SNX8: variants seen among roughly 807,000 people sequenced by gnomAD.
SNX8 encodes the protein sorting nexin-8.
SNX8 carries 25 observed loss-of-function variants against 51.6 expected under a neutral mutation model. The ratio of observed to expected loss-of-function variants is 0.48; its 90% CI spans 0.35 to 0.68. SNX8 has a LOEUF of 0.68. SNX8 is among the 30% of genes least tolerant of loss of function. The pLI is 0.00. For missense variants in SNX8, 695 were observed against 624.0 expected (o/e 1.11, Z -1.21); for synonymous variants, 324 against 277.0 (o/e 1.17, Z -1.68).
intron 1 of SNX8, among the ~76,000 whole-genome samples, chr7:2,308,665 CAAAA>C (rs756364188): frequency 1.6e-5 from 1 of 63,118 alleles, no homozygotes; most frequent in Non-Finnish European, 3.0e-5. Flanking sequence ...GACTCTGTCT[CAAAA>C]AAAAAAAAAA....
At chr7:2,346,513 C>T (rs1407196223) in intron 1 of SNX8, among the ~76,000 whole-genome samples, 15 of 150,832 alleles carry the variant, frequency 9.9e-5, no homozygotes, top group Admixed American at 2.6e-4. Context: ...TTTGGGAGGC[C>T]GAGGTGGGAG....
At chr7:2,335,802 CAAAA>C (rs1173439746) in intron 1 of SNX8, among the ~76,000 whole-genome samples, 1 of 30,642 alleles carries the variant, frequency 3.3e-5, no homozygotes, top group Non-Finnish European at 7.5e-5. Context: ...GACTCTGTCT[CAAAA>C]AAAAAAAAAA....
At chr7:2,272,469 G>A (rs560722531) in intron 3 of SNX8, among the ~76,000 whole-genome samples, 1 of 151,818 alleles carries the variant, frequency 6.6e-6, no homozygotes, top group Admixed American at 6.6e-5. Context: ...CCGCCTTCCA[G>A]GTTCAAGCGA....
intron 1 of SNX8, among the ~76,000 whole-genome samples, chr7:2,293,948 A>T (rs1796214889): frequency 6.6e-6 from 1 of 150,622 alleles, no homozygotes; most frequent in Non-Finnish European, 1.5e-5. Flanking sequence ...CCTGGGCAAC[A>T]AGAGTGAAAC....
intron 2 of SNX8, 75 bp from the exon 3 acceptor site, chr7:2,275,304 C>CG (rs2115130335): frequency 3.0e-6 from 3 of 984,978 alleles, no homozygotes; most frequent in East Asian, 4.8e-5. Context: ...CAACAGAGCC[C>CG]GGGAAAACGA....
At chr7:2,289,508 T>G (rs1032220522) in intron 1 of SNX8, among the ~76,000 whole-genome samples, 6 of 152,220 alleles carry the variant, frequency 3.9e-5, no homozygotes, top group Non-Finnish European at 8.8e-5. Context: ...TGTGCCTCTT[T>G]TAACACAGTT....
At chr7:2,280,768 A>G (rs1247567686) in intron 1 of SNX8, among the ~76,000 whole-genome samples, 1 of 150,972 alleles carries the variant, frequency 6.6e-6, no homozygotes, top group Non-Finnish European at 1.5e-5. Context: ...GCTTTCAAAT[A>G]TCAATTTACT....
intron 1 of SNX8, among the ~76,000 whole-genome samples, chr7:2,321,450 G>A (rs1356445467): frequency 1.4e-4 from 20 of 145,900 alleles, no homozygotes; most frequent in Non-Finnish European, 2.5e-4. Context: ...TTTTTGAGAC[G>A]GAGTCTCCCT....
At chr7:2,336,535 C>G (rs942766090) in intron 1 of SNX8, among the ~76,000 whole-genome samples, 9 of 151,892 alleles carry the variant, frequency 5.9e-5, no homozygotes, top group Admixed American at 2.0e-4. Flanking sequence ...AGTGAAATCC[C>G]TTCTCTACTA....
At chr7:2,314,478 C>T (rs996731282), upstream of SNX8, 7 of 1,181,964 alleles carry the variant, frequency 5.9e-6, no homozygotes, top group Non-Finnish European at 6.3e-6. Context: ...GCAGCCCTGC[C>T]GCGCCGCGCC....
chr7:2,280,376 G>C (rs977040234), intron 1 of SNX8, among the ~76,000 whole-genome samples: 2 of 151,930 alleles, frequency 1.3e-5, no homozygotes, highest in Admixed American at 1.3e-4. Flanking sequence ...CTACTCAGGA[G>C]GTTGAGGCAG....
At chr7:2,285,314 G>T (rs912619174) in intron 1 of SNX8, among the ~76,000 whole-genome samples, 4 of 152,140 alleles carry the variant, frequency 2.6e-5, no homozygotes, top group Non-Finnish European at 5.9e-5. Flanking sequence ...GCTTGAACCC[G>T]GGAGGCAGAG....
upstream of SNX8, among the ~76,000 whole-genome samples, chr7:2,316,985 G>A (rs1403825020): frequency 6.6e-6 from 1 of 152,196 alleles, no homozygotes; most frequent in Admixed American, 6.6e-5. Flanking sequence ...GTTCCAAAAC[G>A]GGAGCAAGGC....
chr7:2,304,166 C>CAAA (rs554309852), intron 1 of SNX8, among the ~76,000 whole-genome samples: 2 of 76,570 alleles, frequency 2.6e-5, no homozygotes, highest in African/African-American at 9.8e-5. Flanking sequence ...GACTCCGTCT[C>CAAA]AAAAAAAAAA....
chr7:2,353,838 A>C (rs902596373), intron 1 of SNX8, among the ~76,000 whole-genome samples: 2 of 151,946 alleles, frequency 1.3e-5, no homozygotes, highest in Non-Finnish European at 2.9e-5. Context: ...TCCAACTCCT[A>C]AGCTCAAGCG....
chr7:2,305,902 G>A (rs1323090564), intron 1 of SNX8, among the ~76,000 whole-genome samples: 1 of 151,930 alleles, frequency 6.6e-6, no homozygotes, highest in East Asian at 1.9e-4. Flanking sequence ...GCAACGTAGT[G>A]AGTCCCTGTC....
chr7:2,336,652 G>A (rs1287360620), intron 1 of SNX8, among the ~76,000 whole-genome samples: 1 of 152,004 alleles, frequency 6.6e-6, no homozygotes. Flanking sequence ...AGGTTGCAGT[G>A]AGCCGAGATT....
intron 1 of SNX8, among the ~76,000 whole-genome samples, chr7:2,304,073 A>AG (rs1335091675): frequency 6.6e-6 from 1 of 150,400 alleles, no homozygotes; most frequent in African/African-American, 2.4e-5. Context: ...AGGCTGAGGC[A>AG]GGAGAATGGC....
chr7:2,292,461 T>C (rs895680039), intron 1 of SNX8, among the ~76,000 whole-genome samples: 1 of 151,498 alleles, frequency 6.6e-6, no homozygotes, highest in Non-Finnish European at 1.5e-5. Context: ...GCCCAGGCTG[T>C]AGTGCAGTGG....
Sources: gnomAD v4.1 joint callset for allele counts (sites outside exome capture counted in the v4.1 genomes callset) on GRCh38, gnomAD v4.1.1 for gene constraint, MANE v1.5 for transcripts, NCBI Gene and HGNC (gene_info 2026-07-23, HGNC 2026-07-21) for gene names.